Variants in CCDC178 observed in about 807,000 individuals in gnomAD.
CCDC178 encodes the protein coiled-coil domain containing 178, also known as coiled-coil domain-containing protein 178.
CCDC178 carries 126 observed loss-of-function variants against 117.4 expected under a neutral mutation model. The ratio of observed to expected loss-of-function variants is 1.07; its 90% confidence interval spans 0.93 to 1.24. The LOEUF is 1.24. CCDC178 is among the 50% of genes most tolerant of loss of function. The pLI, the probability that CCDC178 is intolerant of heterozygous loss-of-function variation, is 0.00. For missense variants in CCDC178, 1,030 were observed against 986.9 expected (o/e 1.04, Z -0.59); for synonymous variants, 283 against 313.4 (o/e 0.90, Z 1.02).
intron 2 of CCDC178, among the ~76,000 whole-genome samples, chr18:33,435,684 T>TAATAATAATATTTTTTATTATAATAC (rs1568225797): frequency 1.4e-5 from 2 of 143,782 alleles, no homozygotes; most frequent in Non-Finnish European, 3.0e-5. Context: ...ACATTATTTA[T>TAATAATAATATTTTTTATTATAATAC]AATAATAATA....
chr18:33,343,680 T>C (rs1028249641), intron 9 of CCDC178, among the ~76,000 whole-genome samples: 9 of 152,214 alleles, frequency 5.9e-5, no homozygotes, highest in East Asian at 1.9e-4. Flanking sequence ...CTAAGTGGGA[T>C]TGGGGAGTTG....
At chr18:33,045,351 G>A (rs1003682413) in intron 21 of CCDC178, among the ~76,000 whole-genome samples, 6 of 152,056 alleles carry the variant, frequency 3.9e-5, no homozygotes, top group African/African-American at 7.2e-5. Flanking sequence ...AGTTAGGCCC[G>A]AGAGCTAGAT....
intron 20 of CCDC178, among the ~76,000 whole-genome samples, chr18:33,131,566 T>C (rs2144257000): frequency 6.6e-6 from 1 of 151,894 alleles, no homozygotes; most frequent in Admixed American, 6.6e-5. Flanking sequence ...TCTGAAATAA[T>C]AAAGGCATGA....
chr18:33,241,469 T>G (rs945889176), intron 15 of CCDC178, among the ~76,000 whole-genome samples: 27 of 135,806 alleles, frequency 2.0e-4, no homozygotes, highest in Non-Finnish European at 3.7e-4. Flanking sequence ...TGTGTGTGTG[T>G]AGAGAGAGAC....
intron 5 of CCDC178, among the ~76,000 whole-genome samples, chr18:33,370,528 C>T (rs2063284415): frequency 6.6e-6 from 1 of 151,858 alleles, no homozygotes; most frequent in Non-Finnish European, 1.5e-5. Context: ...CCATGTGTTA[C>T]TAAACAGATT....
intron 22 of CCDC178, chr18:32,954,155 G>C (rs1256308070): frequency 2.0e-5 from 3 of 151,950 alleles, no homozygotes; most frequent in African/African-American, 7.3e-5. Flanking sequence ...ATGCTGCCCT[G>C]GTTCATTTTT....
intron 7 of CCDC178, among the ~76,000 whole-genome samples, chr18:33,349,296 T>C (rs772691249): frequency 1.3e-5 from 2 of 151,926 alleles, no homozygotes; most frequent in Non-Finnish European, 2.9e-5. Flanking sequence ...GAGAATAATT[T>C]GGATGAATGA....
chr18:33,196,599 G>T (rs1186742327), intron 20 of CCDC178, among the ~76,000 whole-genome samples: 2 of 152,080 alleles, frequency 1.3e-5, no homozygotes, highest in Middle Eastern at 3.2e-3. Flanking sequence ...TGTGCTCTCT[G>T]GCTGTGCAGT....
chr18:33,111,132 T>C (rs1439140034), intron 20 of CCDC178, among the ~76,000 whole-genome samples: 7 of 151,642 alleles, frequency 4.6e-5, no homozygotes, highest in Non-Finnish European at 8.9e-5. Context: ...TAGTTAAATA[T>C]ATACCTAGAT....
intron 12 of CCDC178, among the ~76,000 whole-genome samples, chr18:33,268,599 C>T (rs1381507176): frequency 1.3e-5 from 2 of 151,730 alleles, no homozygotes. Flanking sequence ...ACCAAGAGAT[C>T]TGTTGATGGG....
At position 33,284,934 on chromosome 18, in the gene CCDC178, G is replaced by GACAC. The variant is rs141502931; in HGVS notation, c.1176+8221_1176+8224dup. ...GAAAGAATGCACACACACACACACA[G>GACAC]ACACACACACACACACATTAAACAT... On this transcript the variant is annotated intron_variant, in intron 12 of 22. Transcript: ENST00000383096. Among the ~76,000 whole-genome samples the GACAC allele has an allele frequency of 4.8e-3, 710 of 149,136 alleles. 3 individuals are homozygous for GACAC. The highest frequency in any genetic ancestry group is 0.017 in the African/African-American group (673 of 40,788).
rs192442723 is a variant in CCDC178 at position 32,971,675 on chromosome 18, G to A, written c.2523+2872C>T. 9.2e-5 allele frequency among the ~76,000 whole-genome samples: 14 copies of A among 152,040 alleles called. No homozygotes were observed. The East Asian group carries it at 2.5e-3, about 27-fold the overall frequency. On this transcript the variant is annotated intron_variant, in intron 22 of 22. Transcript: ENST00000383096. The stretch of plus-strand genomic sequence containing the variant: ...AGCATTCCTATTTCTCCACAACCTC[G>A]CCAGTATCTATGGTTTCCTGACTTT...
At chr18:33,244,073 T>C (rs2059518669) in intron 15 of CCDC178, among the ~76,000 whole-genome samples, 1 of 152,004 alleles carries the variant, frequency 6.6e-6, no homozygotes, top group Non-Finnish European at 1.5e-5. Flanking sequence ...AGGAGAGACA[T>C]AGGTCATTTG....
At chr18:33,378,173 G>A (rs1362736768) in intron 5 of CCDC178, among the ~76,000 whole-genome samples, 1 of 151,820 alleles carries the variant, frequency 6.6e-6, no homozygotes, top group Non-Finnish European at 1.5e-5. Context: ...CCTGGTTAGA[G>A]GCATTCTTAG....
At chr18:33,413,110 A>C (rs577228348) in intron 2 of CCDC178, among the ~76,000 whole-genome samples, 1 of 152,290 alleles carries the variant, frequency 6.6e-6, no homozygotes, top group Non-Finnish European at 1.5e-5. Context: ...GTCTCATTTA[A>C]TTTGCAGATC....
Position 33,244,238 on chromosome 18 carries a change from A to T in CCDC178, c.1593+1007T>A, listed in dbSNP as rs530505650. Among the ~76,000 whole-genome samples, 5 of 151,052 alleles carry T rather than the reference A, an allele frequency of 3.3e-5. No homozygotes were observed. The East Asian group carries it at 9.7e-4, about 29-fold the overall frequency. ...TGTACAGACTGTATATTTTCTAGGT[A>T]TTTTTTTTTGCTCATAAGTCTTTAA... On this transcript the variant is annotated intron_variant, in intron 15 of 22. Coordinates refer to ENST00000383096, the MANE Select transcript of CCDC178 (RefSeq NM_001105528.4).
chr18:33,340,699 G>T (rs943379123), intron 9 of CCDC178, among the ~76,000 whole-genome samples: 10 of 152,316 alleles, frequency 6.6e-5, no homozygotes, highest in African/African-American at 2.2e-4. Context: ...TGGCTTCAGA[G>T]GGTGGAAGCC....
intron 2 of CCDC178, among the ~76,000 whole-genome samples, chr18:33,420,497 C>A (rs1389007839): frequency 1.3e-5 from 2 of 152,056 alleles, no homozygotes; most frequent in Non-Finnish European, 2.9e-5. Context: ...CGGATGACAG[C>A]CATGCACCCC....
chr18:33,201,314 A>G (rs920148550), intron 20 of CCDC178, among the ~76,000 whole-genome samples: 4 of 152,258 alleles, frequency 2.6e-5, no homozygotes, highest in African/African-American at 9.6e-5. Flanking sequence ...AAAGCCCTTG[A>G]AAAAGTATTT....
Sources: gnomAD v4.1 joint callset for allele counts (sites outside exome capture counted in the v4.1 genomes callset) on GRCh38, gnomAD v4.1.1 for gene constraint, MANE v1.5 for transcripts, NCBI Gene and HGNC (gene_info 2026-07-23, HGNC 2026-07-21) for gene names.